Variants in APPL1 observed in about 807,000 individuals in gnomAD.
APPL1 encodes the protein DCC-interacting protein 13-alpha.
In APPL1, 42 loss-of-function variants were observed where a neutral mutation model predicts 106.8. The ratio of observed to expected loss-of-function variants is 0.39; its 90% CI spans 0.31 to 0.51. The LOEUF is 0.51. APPL1 is among the 20% of genes least tolerant of loss of function. APPL1 has a pLI of 0.75. For synonymous variants in APPL1, 263 were observed against 281.8 expected (o/e 0.93, Z 0.67); for missense variants, 769 against 858.2 (o/e 0.90, Z 1.30).
At chr3:57,269,454 G>T (rs2060919456) in intron 21 of APPL1, 87 bp from the exon 22 acceptor site, 5 of 1,225,238 alleles carry the variant, frequency 4.1e-6, no homozygotes, top group Non-Finnish European at 5.6e-6. Context: ...GACAGAAGAA[G>T]TGGCTCTCAA....
chr3:57,260,207 T>C, intron 18 of APPL1, 54 bp downstream of exon 18: 2 of 1,504,164 alleles, frequency 1.3e-6, no homozygotes, highest in Non-Finnish European at 1.8e-6. Flanking sequence ...TATATACACA[T>C]CTTACAACTT....
intron 1 of APPL1, among the ~76,000 whole-genome samples, chr3:57,233,057 C>T (rs538191063): frequency 6.6e-6 from 1 of 152,076 alleles, no homozygotes; most frequent in South Asian, 2.1e-4. Context: ...AAGATTCGAA[C>T]TCTGTGAAGT....
At chr3:57,242,553 G>C (rs2060752317) in intron 6 of APPL1, among the ~76,000 whole-genome samples, 1 of 152,178 alleles carries the variant, frequency 6.6e-6, no homozygotes, top group African/African-American at 2.4e-5. Context: ...CTCCTGAGTA[G>C]CTGGGACTAT....
chr3:57,262,384 C>CTTTTT (rs1281642126), intron 19 of APPL1, among the ~76,000 whole-genome samples: 5 of 17,938 alleles, frequency 2.8e-4, no homozygotes, highest in African/African-American at 4.2e-4. Flanking sequence ...TGGAAAATAA[C>CTTTTT]CTTTTTTTTT....
chr3:57,260,901 A>G lies in APPL1; in HGVS notation c.1842+127A>G, dbSNP rs527669395. On this transcript the variant is annotated intron_variant, in intron 19 of 21. Coordinates refer to ENST00000288266, the MANE Select transcript of APPL1 (RefSeq NM_012096.3). ...TTACTGATTGAATTCTTTACAATTT[A>G]TACAAATTTATGAGGCACATGTGAA... 8.3e-5 allele frequency: 92 copies of G among 1,109,662 alleles called. 1 individual carries two copies. The South Asian group carries it at 1.8e-3, about 21-fold the overall frequency. 68.7% of individuals were successfully genotyped at this position (1,109,662 alleles called of 1,614,324 possible).
In APPL1 at chr3:57,235,437, CAAAAT is replaced by C. The variant is rs1220329003; in HGVS notation, c.55-127_55-123del. 5.4e-5 allele frequency: 28 copies of C among 518,162 alleles called. No individual in the cohort carries two copies. The Middle Eastern group carries it at 1.6e-3, about 29-fold the overall frequency. The allele number at this position is 518,162 out of a possible 1,614,324, so 32.1% of individuals were successfully genotyped here. A position where few individuals can be genotyped will look rare whatever the true frequency, so the allele number is the denominator to read the frequency against. On this transcript the variant is annotated intron_variant, in intron 1 of 21. Coordinates refer to ENST00000288266, the MANE Select transcript of APPL1 (RefSeq NM_012096.3). The stretch of plus-strand genomic sequence containing the variant: ...TTCTTAACATTACTATCAAAAGAGA[CAAAAT>C]AGATTAAAACTCAGAATTACTAGAA...
At chr3:57,251,096 C>G (rs529477081) in intron 11 of APPL1, among the ~76,000 whole-genome samples, 1 of 150,572 alleles carries the variant, frequency 6.6e-6, no homozygotes, top group Non-Finnish European at 1.5e-5. Flanking sequence ...CGTGAGCCAC[C>G]GCGCCCGGCC....
intron 2 of APPL1, among the ~76,000 whole-genome samples, 182 bp downstream of exon 2, chr3:57,235,846 T>C (rs892969064): frequency 6.6e-6 from 1 of 152,152 alleles, no homozygotes; most frequent in Non-Finnish European, 1.5e-5. Flanking sequence ...CAACTACTAG[T>C]GTACAGTTTG....
chr3:57,249,251 G>A (rs1005857131), intron 10 of APPL1, 109 bp from the exon 11 acceptor site: 1 of 1,017,674 alleles, frequency 9.8e-7, no homozygotes, highest in African/African-American at 1.6e-5. Flanking sequence ...TGGCATCTTG[G>A]TGCCTCTTCG....
At chr3:57,260,981 A>G (rs2060862176) in intron 19 of APPL1, among the ~76,000 whole-genome samples, 1 of 152,214 alleles carries the variant, frequency 6.6e-6, no homozygotes, top group African/African-American at 2.4e-5. Context: ...TAGGGTGTCC[A>G]TCATCCAAGT....
At chr3:57,246,847 GA>G (rs1252677244) in intron 8 of APPL1, among the ~76,000 whole-genome samples, 1 of 151,818 alleles carries the variant, frequency 6.6e-6, no homozygotes, top group African/African-American at 2.4e-5. Context: ...TACAAAAAAT[GA>G]AAAAATTAGC....
intron 19 of APPL1, among the ~76,000 whole-genome samples, chr3:57,264,607 T>C (rs913203907): frequency 6.6e-6 from 1 of 151,310 alleles, no homozygotes; most frequent in African/African-American, 2.4e-5. Context: ...TTAAAAAATA[T>C]TTTTGTATAT....
At chr3:57,264,311 T>C (rs2060883194) in intron 19 of APPL1, among the ~76,000 whole-genome samples, 1 of 152,204 alleles carries the variant, frequency 6.6e-6, no homozygotes, top group African/African-American at 2.4e-5. Context: ...TTTACAAATA[T>C]TTTCTCCCAT....
rs1032171244 is a variant in APPL1 at position 57,245,984 on chromosome 3, G to C, written c.475-92G>C. Reference sequence around the variant, plus strand: ...TTGTGATACTCAATTCCTTGGGTAGGCTCTTCTCCACAGCTCCTACTGAAG... The same window carrying C: ...TTGTGATACTCAATTCCTTGGGTAGCCTCTTCTCCACAGCTCCTACTGAAG... On this transcript the variant is annotated intron_variant, in intron 7 of 21. Coordinates refer to ENST00000288266, the MANE Select transcript of APPL1 (RefSeq NM_012096.3). 56 of 846,272 alleles carry C rather than the reference G, an allele frequency of 6.6e-5. No homozygotes were observed. In the African/African-American group the frequency reaches 8.9e-4, roughly 13 times the overall value. The allele number at this position is 846,272 out of a possible 1,614,324, so 52.4% of individuals were successfully genotyped here.
intron 20 of APPL1, chr3:57,268,021 A>G (rs1170842319): frequency 3.8e-6 from 2 of 530,652 alleles, no homozygotes; most frequent in East Asian, 6.4e-5. Flanking sequence ...TGAATCCGGG[A>G]GGCGGAGGTT....
At chr3:57,248,869 C>CA (rs140999022) in intron 10 of APPL1, among the ~76,000 whole-genome samples, 50 of 137,148 alleles carry the variant, frequency 3.6e-4, no homozygotes, top group Admixed American at 6.6e-4. Flanking sequence ...GACTCTGTCT[C>CA]AAAAAAAAAA....
intron 18 of APPL1, chr3:57,260,390 A>C (rs2060858776): frequency 3.6e-6 from 2 of 558,350 alleles, no homozygotes; most frequent in Non-Finnish European, 2.9e-6. Context: ...GTTCTTTTTG[A>C]CTTTGTAAAA....
At position 57,240,497 on chromosome 3, in the gene APPL1, A is replaced by T. The variant is rs1349068915; in HGVS notation, c.318A>T (p.Gln106His). Reference sequence around the variant, plus strand: ...CTTGTCATGCAGTGCTTTCAACTCAACTTGCTGATGCCATGATGTTCCCCA... The same window carrying T: ...CTTGTCATGCAGTGCTTTCAACTCATCTTGCTGATGCCATGATGTTCCCCA... ...LSSCHAVLST[Q>H]LADAMMFPIT... is the part of the protein sequence containing the mutation. Residue 106 changes from glutamine to histidine, a missense_variant, in exon 5 of 22, where the codon CAA (glutamine) becomes CAT (histidine). Gln to His is a conservative substitution (Grantham distance 24). Transcript: ENST00000288266. The T allele has an allele frequency of 1.9e-6, 3 of 1,613,784 alleles. No homozygotes were observed. The highest frequency in any genetic ancestry group is 1.3e-5 in the African/African-American group (1 of 74,892).
intron 16 of APPL1, among the ~76,000 whole-genome samples, chr3:57,259,553 C>T (rs889883668): frequency 1.3e-5 from 2 of 152,098 alleles, no homozygotes; most frequent in Non-Finnish European, 2.9e-5. Flanking sequence ...GCCTTAGCCT[C>T]CCAAAGTGCT....
Sources: allele counts gnomAD v4.1 joint callset (sites outside exome capture counted in the v4.1 genomes callset), GRCh38; gene constraint gnomAD v4.1.1; transcripts MANE v1.5; gene names NCBI Gene and HGNC (gene_info 2026-07-23, HGNC 2026-07-21).